The following TRIM71 variants were observed in gnomAD, a reference collection of about 807,000 sequenced individuals.
TRIM71 encodes E3 ubiquitin-protein ligase TRIM71.
In TRIM71, 9 loss-of-function variants were observed where a neutral mutation model predicts 61.2. That is an observed-to-expected ratio of 0.15 (90% CI 0.09 to 0.26). The LOEUF is 0.26. Among genes scored for constraint, TRIM71 ranks in the 10% least tolerant of loss-of-function variants. The pLI, the probability that TRIM71 is intolerant of heterozygous loss-of-function variation, is 1.00. For synonymous variants in TRIM71, 645 were observed against 553.2 expected (o/e 1.17, Z -2.33); for missense variants, 998 against 1,238.7 (o/e 0.81, Z 2.92).
At chr3:32,842,131 T>G (rs753667687) in intron 1 of TRIM71, among the ~76,000 whole-genome samples, 6 of 152,224 alleles carry the variant, frequency 3.9e-5, no homozygotes, top group Non-Finnish European at 8.8e-5. Context: ...GTGCTGGTCC[T>G]CATATGCTGA....
chr3:32,826,438 A>C (rs1235444148), intron 1 of TRIM71, among the ~76,000 whole-genome samples: 1 of 151,974 alleles, frequency 6.6e-6, no homozygotes, highest in African/African-American at 2.4e-5. Context: ...ACTATGTCTC[A>C]CAAACAAACT....
intron 1 of TRIM71, among the ~76,000 whole-genome samples, chr3:32,860,403 G>A (rs555188181): frequency 6.6e-6 from 1 of 152,106 alleles, no homozygotes; most frequent in Admixed American, 6.5e-5. Context: ...TGATCCACCT[G>A]CCTCGGACTC....
In TRIM71 at chr3:32,818,703, C is replaced by G. The variant is rs1436050046; in HGVS notation, c.623C>G (p.Ala208Gly). Residue 208 changes from alanine to glycine, a missense_variant, in exon 1 of 4, where the codon GCT becomes GGT. Physicochemically the swap from Ala to Gly is moderately conservative, Grantham distance 60 (BLOSUM62 0). This residue lies in a region of TRIM71 where 527 missense variants were observed against 427.8 expected (regional missense o/e 1.23). Coordinates refer to ENST00000383763, the MANE Select transcript of TRIM71 (RefSeq NM_001039111.3). ...AGCTCGTGCGATGAGGGCAACGCAG[C>G]TTCTTCGCGCTGCCTCGACTGCCAG... is the stretch of plus-strand genomic sequence containing the variant. ...GCSSCDEGNA[A>G]SSRCLDCQEH... The G allele has an allele frequency of 2.5e-6, 4 of 1,584,320 alleles. No homozygotes were observed. The highest frequency in any genetic ancestry group is 3.4e-6 in the Non-Finnish European group (4 of 1,172,254).
intron 1 of TRIM71, among the ~76,000 whole-genome samples, chr3:32,830,244 T>C (rs377459406): frequency 1.3e-5 from 2 of 152,132 alleles, no homozygotes; most frequent in East Asian, 3.8e-4. Context: ...TTGTTTTTTG[T>C]ATTTTATCTT....
In TRIM71 at chr3:32,896,265, AG is replaced by A. The variant is rs1302584337; in HGVS notation, c.*4457del. 6.6e-6 allele frequency: 1 copy of A among 152,222 alleles called. No homozygotes were observed. Among genetic ancestry groups the A allele is most frequent in the Non-Finnish European group, 1.5e-5 (1 of 68,042 alleles). 9.4% of individuals were successfully genotyped at this position (152,222 alleles called of 1,614,324 possible). ...GATCTTGGAAACATCAAATATTTGA[AG>A]GGAATGAGAATCCTCTTGACTTCAT... On this transcript the variant is annotated 3_prime_UTR_variant, in exon 4 of 4. Transcript: ENST00000383763.
intron 1 of TRIM71, among the ~76,000 whole-genome samples, chr3:32,858,779 TTG>T (rs1270294455): frequency 6.6e-6 from 1 of 152,132 alleles, no homozygotes; most frequent in Non-Finnish European, 1.5e-5. Context: ...TAAGGGTGAC[TTG>T]TTCAGGGCCA....
intron 1 of TRIM71, among the ~76,000 whole-genome samples, chr3:32,829,185 CTT>C (rs71630549): frequency 2.3e-4 from 30 of 129,730 alleles, no homozygotes; most frequent in Non-Finnish European, 3.1e-4. Flanking sequence ...TTTTTCTTTT[CTT>C]TTTTTTTTTT....
rs770055859 is a variant in TRIM71, at chr3:32,890,455, C to T, written c.1251C>T (p.Ala417=). The T allele has an allele frequency of 1.8e-5, 29 of 1,614,052 alleles. No homozygotes were observed. Among genetic ancestry groups the T allele is most frequent in the African/African-American group, 4.0e-5 (3 of 74,914 alleles). ...NLNKLESTIS[A]VQQVLEEGRA... is the part of the protein sequence containing the mutation. ...ACAAGCTTGAGAGCACCATCAGTGC[C>T]GTGCAGCAGGTCCTGGAGGAGGGTA... Residue 417 remains alanine, a synonymous_variant, in exon 4 of 4, where the codon GCC becomes GCT. Coordinates refer to ENST00000383763, the MANE Select transcript of TRIM71 (RefSeq NM_001039111.3). The surrounding 1 kb of genome is among the most constrained non-coding windows in gnomAD (Gnocchi z 6.2).
At chr3:32,831,214 G>C (rs1242161928) in intron 1 of TRIM71, among the ~76,000 whole-genome samples, 1 of 152,064 alleles carries the variant, frequency 6.6e-6, no homozygotes, top group Non-Finnish European at 1.5e-5. Flanking sequence ...TCAGCTTCTT[G>C]GTATAGGTAA....
At chr3:32,879,216 T>C (rs549006995) in intron 2 of TRIM71, among the ~76,000 whole-genome samples, 7 of 152,376 alleles carry the variant, frequency 4.6e-5, no homozygotes, top group African/African-American at 1.7e-4. Flanking sequence ...GGAGATGTTA[T>C]GGCTGGTTTG....
In TRIM71 at chr3:32,896,147, C is replaced by T. The variant is rs1697075314; in HGVS notation, c.*4336C>T. On this transcript the variant is annotated 3_prime_UTR_variant, in exon 4 of 4. Transcript: ENST00000383763. ...TGGAGGACTTAACTACAAATAAAGACCTTTAGGTCTCTTTCTCTTCAAGAG... is the reference window on the plus strand; with the variant it reads ...TGGAGGACTTAACTACAAATAAAGATCTTTAGGTCTCTTTCTCTTCAAGAG... 6.6e-6 allele frequency: 1 copy of T among 152,154 alleles called. No homozygotes were observed. Among genetic ancestry groups the T allele is most frequent in the South Asian group, 2.1e-4 (1 of 4,830 alleles). 9.4% of individuals were successfully genotyped at this position (152,154 alleles called of 1,614,324 possible).
rs1697019059 is a variant in TRIM71 at position 32,891,042 on chromosome 3, G to A, written c.1838G>A (p.Ser613Asn). The A allele has an allele frequency of 4.3e-6, 7 of 1,613,474 alleles. No homozygotes were observed. In the South Asian group the frequency reaches 5.5e-5, roughly 13 times the overall value. The change falls in exon 4 of 4, where the codon AGT becomes AAT. Residue 613 changes from serine to asparagine, a missense_variant. Transcript: ENST00000383763. The surrounding 1 kb of genome is among the most constrained non-coding windows in gnomAD (Gnocchi z 8.2). Reference sequence around the variant, plus strand: ...AAGCTCTGCCGCCCTTGGGGTGTGAGTGTAGACAAGGAGGGCTACATCATT... The same window carrying A: ...AAGCTCTGCCGCCCTTGGGGTGTGAATGTAGACAAGGAGGGCTACATCATT... ...DGKLCRPWGV[S>N]VDKEGYIIVA... is the part of the protein sequence containing the mutation.
chr3:32,885,850 G>T (rs567853645), intron 2 of TRIM71, 84 bp from the exon 3 acceptor site: 1 of 1,510,716 alleles, frequency 6.6e-7, no homozygotes, highest in East Asian at 2.3e-5. Flanking sequence ...AGCTTTTCAA[G>T]TCTGACAGAG....
rs867681640 is a variant in TRIM71, at chr3:32,890,216, G to T, written c.1156-144G>T. 2.0e-4 allele frequency: 238 copies of T among 1,183,526 alleles called. 1 individual carries two copies. The highest frequency in any genetic ancestry group is 1.4e-3 in the Middle Eastern group (5 of 3,476). The allele number at this position is 1,183,526 out of a possible 1,614,324, so 73.3% of individuals were successfully genotyped here. ...GGTCCATTTTGATTTTGCTGCTTTT[G>T]AAGAAAGACAGATGTCTTTTGTAGA... On this transcript the variant is annotated intron_variant, in intron 3 of 3. Transcript: ENST00000383763. This position sits in a 1 kb window ranked among gnomAD's most constrained non-coding sequence, Gnocchi z 6.2.
chr3:32,841,012 C>T (rs1306043736), intron 1 of TRIM71, among the ~76,000 whole-genome samples: 2 of 152,068 alleles, frequency 1.3e-5, no homozygotes, highest in Admixed American at 6.6e-5. Flanking sequence ...TTTGGGAGGC[C>T]GAGGTGGGTG....
At chr3:32,861,719 A>G (rs1444859434) in intron 1 of TRIM71, among the ~76,000 whole-genome samples, 1 of 152,188 alleles carries the variant, frequency 6.6e-6, no homozygotes, top group Non-Finnish European at 1.5e-5. Flanking sequence ...GTCGGGGGGA[A>G]GATGAGGTAC....
Position 32,891,816 on chromosome 3 carries a change from A to AT in TRIM71, c.*8dup, listed in dbSNP as rs1453537960. The AT allele has an allele frequency of 5.6e-6, 9 of 1,611,796 alleles. No homozygotes were observed. The highest frequency in any genetic ancestry group is 6.8e-6 in the Non-Finnish European group (8 of 1,179,696). On this transcript the variant is annotated 3_prime_UTR_variant, in exon 4 of 4. Coordinates refer to ENST00000383763, the MANE Select transcript of TRIM71 (RefSeq NM_001039111.3). The surrounding 1 kb of genome is among the most constrained non-coding windows in gnomAD (Gnocchi z 8.2). Reference sequence around the variant, plus strand: ...AATCGAATCCTCGTCTTCTAATTGCATTTCCTAGGTTTCTGTGTTTGGGGT... The same window carrying AT: ...AATCGAATCCTCGTCTTCTAATTGCATTTTCCTAGGTTTCTGTGTTTGGGGT...
At chr3:32,823,306 T>A (rs1360986944) in intron 1 of TRIM71, among the ~76,000 whole-genome samples, 2 of 152,196 alleles carry the variant, frequency 1.3e-5, no homozygotes, top group African/African-American at 4.8e-5. Context: ...CCTCAGGAAG[T>A]GGGCCACAGC....
In TRIM71 at chr3:32,863,195, C is replaced by CTTT. The variant is rs11348995; in HGVS notation, c.853-10599_853-10597dup. Among the ~76,000 whole-genome samples the CTTT allele has an allele frequency of 1.8e-3, 95 of 53,748 alleles. 5 individuals carry two copies. Among genetic ancestry groups the CTTT allele is most frequent in the East Asian group, 4.8e-3 (7 of 1,464 alleles). The allele number at this position is 53,748 out of a possible 152,430, so 35.3% of individuals were successfully genotyped here. On this transcript the variant is annotated intron_variant, in intron 1 of 3. Coordinates refer to ENST00000383763, the MANE Select transcript of TRIM71 (RefSeq NM_001039111.3). Reference sequence around the variant, plus strand: ...TGGGAGGGAGGAGTATTAATTGAACCTTTTTTTTTTTTTTTTTTTTTTTTT... The same window carrying CTTT: ...TGGGAGGGAGGAGTATTAATTGAACCTTTTTTTTTTTTTTTTTTTTTTTTTTTT...
Sources: allele counts gnomAD v4.1 joint callset (sites outside exome capture counted in the v4.1 genomes callset), GRCh38; gene constraint gnomAD v4.1.1; regional missense constraint gnomAD v4.1.1; non-coding constraint Gnocchi (gnomAD v3.1); transcripts MANE v1.5; gene names NCBI Gene and HGNC (gene_info 2026-07-23, HGNC 2026-07-21).